The following ZRANB3 variants were observed in gnomAD, a reference collection of about 807,000 sequenced individuals.
ZRANB3 encodes DNA annealing helicase and endonuclease ZRANB3.
In ZRANB3, 125 loss-of-function variants were observed where a neutral mutation model predicts 133.8. That is an observed-to-expected ratio of 0.93 (90% CI 0.81 to 1.08). The LOEUF is 1.08. Ranked by LOEUF, ZRANB3 falls within the 50% of genes least tolerant of loss-of-function variation. The pLI is 0.00. For missense variants in ZRANB3, 1,229 were observed against 1,275.5 expected (o/e 0.96, Z 0.56); for synonymous variants, 387 against 432.7 (o/e 0.89, Z 1.31).
rs779452683 is a variant in ZRANB3, at chr2:135,200,455, A to G, written c.3142-15T>C. ...CTGGCAGTTCTCTAAAAGTTAAAAA[A>G]TATGCATGTGTACACGTTAGGAAAA... On this transcript the variant is annotated splice_polypyrimidine_tract_variant and intron_variant, in intron 20 of 20. Transcript: ENST00000264159. 3 of 1,576,330 alleles carry G rather than the reference A, an allele frequency of 1.9e-6. No individual in the cohort carries two copies. In the African/African-American group the frequency reaches 4.0e-5, roughly 21 times the overall value.
intron 3 of ZRANB3, among the ~76,000 whole-genome samples, chr2:135,369,876 T>G (rs551771292): frequency 6.6e-6 from 1 of 152,218 alleles, no homozygotes; most frequent in South Asian, 2.1e-4. Context: ...CCTTCCAACT[T>G]AATCAATATG....
chr2:135,525,308 T>C (rs922031861), intron 1 of ZRANB3, among the ~76,000 whole-genome samples: 2 of 152,010 alleles, frequency 1.3e-5, no homozygotes, highest in Non-Finnish European at 2.9e-5. Flanking sequence ...TTAGATCAGA[T>C]TGAATAGAGT....
At chr2:135,256,453 C>T (rs372343486) in intron 12 of ZRANB3, among the ~76,000 whole-genome samples, 5 of 152,076 alleles carry the variant, frequency 3.3e-5, no homozygotes, top group African/African-American at 1.2e-4. Context: ...CTCAGCCTCC[C>T]GAGTAGCTGG....
chr2:135,337,786 T>A (rs956709651), intron 6 of ZRANB3, among the ~76,000 whole-genome samples: 1 of 152,210 alleles, frequency 6.6e-6, no homozygotes, highest in African/African-American at 2.4e-5. Flanking sequence ...GTAGCCAAAT[T>A]ATACTAGTTT....
chr2:135,367,804 A>G (rs1686005357), intron 3 of ZRANB3, among the ~76,000 whole-genome samples: 1 of 152,184 alleles, frequency 6.6e-6, no homozygotes, highest in Admixed American at 6.5e-5. Context: ...TTTTTATTGG[A>G]TAGAGATGTC....
At chr2:135,530,847 A>G (rs921571218) in intron 1 of ZRANB3, 1 of 152,150 alleles carries the variant, frequency 6.6e-6, no homozygotes, top group African/African-American at 2.4e-5. Context: ...CTACAATTCC[A>G]GCCAAGCACC....
Position 135,202,122 on chromosome 2 carries a change from CA to C in ZRANB3, c.3141+709del, listed in dbSNP as rs1401735991. ...AAGTAAACTACAGTAGAGATCTGCT[CA>C]ATAGAATACTGTATTATGCAGTCAT... On this transcript the variant is annotated intron_variant, in intron 20 of 20. Transcript: ENST00000264159. Among the ~76,000 whole-genome samples the C allele has an allele frequency of 2.0e-5, 3 of 152,090 alleles. No individual in the cohort carries two copies. The East Asian group carries it at 5.8e-4, about 29-fold the overall frequency.
chr2:135,250,505 C>A (rs867715155), intron 12 of ZRANB3, among the ~76,000 whole-genome samples: 1 of 152,210 alleles, frequency 6.6e-6, no homozygotes, highest in Non-Finnish European at 1.5e-5. Flanking sequence ...TAGGCCCTCC[C>A]GTCACAGGCC....
chr2:135,457,790 A>G (rs1377636171), intron 2 of ZRANB3, among the ~76,000 whole-genome samples: 3 of 151,930 alleles, frequency 2.0e-5, no homozygotes, highest in Non-Finnish European at 4.4e-5. Context: ...TTGCTGAGTT[A>G]TAAGTTTTTT....
chr2:135,434,418 G>C (rs1689444242), intron 2 of ZRANB3, among the ~76,000 whole-genome samples: 1 of 152,004 alleles, frequency 6.6e-6, no homozygotes, highest in African/African-American at 2.4e-5. Flanking sequence ...GAGAGAACTA[G>C]GATTTAAGAA....
chr2:135,381,233 C>T lies in ZRANB3; in HGVS notation c.180+9569G>A, dbSNP rs147871999. Among the ~76,000 whole-genome samples, 451 of 152,286 alleles carry T rather than the reference C, an allele frequency of 3.0e-3. 2 individuals are homozygous for T. The highest frequency in any genetic ancestry group is 0.01 in the African/African-American group (428 of 41,554). ...ATGCCTGGCTCGCAGGGTCCTACGC[C>T]CACGGAGCCTAGCTGATTGCTAGCA... On this transcript the variant is annotated intron_variant, in intron 3 of 20. Coordinates refer to ENST00000264159, the MANE Select transcript of ZRANB3 (RefSeq NM_032143.4).
chr2:135,262,147 A>C (rs1452235882), intron 12 of ZRANB3, among the ~76,000 whole-genome samples: 1 of 133,404 alleles, frequency 7.5e-6, no homozygotes, highest in African/African-American at 3.0e-5. Context: ...CGACAGAGTG[A>C]GACTCCATCT....
chr2:135,262,782 T>C (rs1423611444), intron 12 of ZRANB3, among the ~76,000 whole-genome samples: 3 of 150,420 alleles, frequency 2.0e-5, no homozygotes, highest in African/African-American at 7.4e-5. Context: ...GCCTGTCTTT[T>C]AAAAAAATAA....
chr2:135,228,145 G>A (rs1694832032), intron 13 of ZRANB3, 130 bp from the exon 14 acceptor site: 2 of 784,628 alleles, frequency 2.5e-6, no homozygotes, highest in Non-Finnish European at 3.9e-6. Context: ...ACATTTATCA[G>A]GAGCATACTA....
At chr2:135,370,136 A>C (rs1366528125) in intron 3 of ZRANB3, among the ~76,000 whole-genome samples, 1 of 151,798 alleles carries the variant, frequency 6.6e-6, no homozygotes, top group African/African-American at 2.4e-5. Context: ...CTTAAACAAA[A>C]ACAAGCTCAT....
At chr2:135,505,175 GA>G (rs1194184305) in intron 1 of ZRANB3, among the ~76,000 whole-genome samples, 2 of 151,926 alleles carry the variant, frequency 1.3e-5, no homozygotes, top group Admixed American at 1.3e-4. Context: ...TATAACTCTG[GA>G]AGAAAATGTC....
intron 13 of ZRANB3, 44 bp from the exon 14 acceptor site, chr2:135,228,059 T>A: frequency 7.0e-7 from 1 of 1,420,158 alleles, no homozygotes; most frequent in Non-Finnish European, 9.5e-7. Flanking sequence ...AATTTACATT[T>A]AAAAGTAAAG....
intron 2 of ZRANB3, among the ~76,000 whole-genome samples, chr2:135,433,987 C>T (rs1689424872): frequency 6.6e-6 from 1 of 151,762 alleles, no homozygotes; most frequent in Non-Finnish European, 1.5e-5. Context: ...CAGAGCAAGA[C>T]TCCGTCTCAA....
Position 135,445,166 on chromosome 2 carries a change from G to A in ZRANB3, c.162-54346C>T, listed in dbSNP as rs537970667. Reference sequence around the variant, plus strand: ...TTGTTTTTAAAGGGAAAAATAGGCCGGGCATGGTGGCTCATGCCTGTAATT... The same window carrying A: ...TTGTTTTTAAAGGGAAAAATAGGCCAGGCATGGTGGCTCATGCCTGTAATT... On this transcript the variant is annotated intron_variant, in intron 2 of 20. Transcript: ENST00000264159. Among the ~76,000 whole-genome samples, 9 of 152,256 alleles carry A rather than the reference G, an allele frequency of 5.9e-5. No homozygotes were observed. The South Asian group carries it at 1.0e-3, about 18-fold the overall frequency.
Sources: allele counts gnomAD v4.1 joint callset (sites outside exome capture counted in the v4.1 genomes callset), GRCh38; gene constraint gnomAD v4.1.1; transcripts MANE v1.5; gene names NCBI Gene and HGNC (gene_info 2026-07-23, HGNC 2026-07-21).